COL6A6: variants seen among roughly 807,000 people sequenced by gnomAD.
COL6A6 encodes collagen type VI alpha 6 chain.
In COL6A6, 183 loss-of-function variants were observed where a neutral mutation model predicts 208.6. That is an observed-to-expected ratio of 0.88 (90% CI 0.78 to 0.99). The LOEUF (loss-of-function observed/expected upper bound fraction) is 0.99. COL6A6 is among the 50% of genes least tolerant of loss of function. The pLI is 0.00. For synonymous variants in COL6A6, 973 were observed against 1,011.8 expected, an observed-to-expected ratio of 0.96 and a Z score of 0.73; for missense variants, 2,816 against 2,815.2, an observed-to-expected ratio of 1.00 and a Z score of -0.01.
intron 10 of COL6A6, 38 bp from the exon 11 acceptor site, chr3:130,586,468 C>A: frequency 1.3e-6 from 2 of 1,562,912 alleles, no homozygotes; most frequent in Non-Finnish European, 1.7e-6. Flanking sequence ...AGTAACCAAA[C>A]CCACCTCACC....
chr3:130,568,536 T>C lies in COL6A6; in HGVS notation c.2333T>C (p.Val778Ala). 6.2e-7 allele frequency: 1 copy of C among 1,611,406 alleles called. No homozygotes were observed. Residue 778 changes from valine to alanine, a missense_variant, in exon 6 of 37, where the codon GTT becomes GCT. Physicochemically the swap from Val to Ala is moderately conservative, Grantham distance 64. Transcript: ENST00000358511. ...ISGRPEMVFY[V>A]ENFDILQRIE... ...GGGAGGCCCGAGATGGTTTTTTATG[T>C]TGAGAATTTTGACATTCTGCAGCGC...
chr3:130,541,795 A>G (rs7636972), intron 1 of COL6A6, among the ~76,000 whole-genome samples: 151,117 of 152,342 alleles, frequency 0.99, 74,963 homozygotes, highest in Middle Eastern at 1. Flanking sequence ...GTGAACATAC[A>G]TGGGTTGGAT....
At chr3:130,520,771 C>G (rs1213224392) in intron 1 of COL6A6, among the ~76,000 whole-genome samples, 1 of 152,176 alleles carries the variant, frequency 6.6e-6, no homozygotes, top group African/African-American at 2.4e-5. Flanking sequence ...ATCTTTGTGT[C>G]TCTACTTCTG....
intron 1 of COL6A6, among the ~76,000 whole-genome samples, chr3:130,549,250 G>A (rs967779580): frequency 6.6e-6 from 1 of 152,084 alleles, no homozygotes; most frequent in Admixed American, 6.5e-5. Flanking sequence ...GCTCACTGCA[G>A]CCTTGACCTC....
At chr3:130,647,261 G>A (rs1269182253) in intron 32 of COL6A6, among the ~76,000 whole-genome samples, 1 of 152,102 alleles carries the variant, frequency 6.6e-6, no homozygotes, top group Non-Finnish European at 1.5e-5. Flanking sequence ...TGTTTTGGAA[G>A]CTGAATTAGT....
intron 1 of COL6A6, among the ~76,000 whole-genome samples, chr3:130,534,748 C>T (rs1431513557): frequency 6.6e-6 from 1 of 152,058 alleles, no homozygotes; most frequent in Non-Finnish European, 1.5e-5. Context: ...TTTTCACAGC[C>T]AGCACCTACT....
chr3:130,539,030 G>T (rs2062291150), intron 1 of COL6A6, among the ~76,000 whole-genome samples: 1 of 152,168 alleles, frequency 6.6e-6, no homozygotes, highest in South Asian at 2.1e-4. Flanking sequence ...TGTCCACACA[G>T]CCATTCAGGT....
chr3:130,547,585 G>A (rs181859070), intron 1 of COL6A6, among the ~76,000 whole-genome samples: 1,636 of 152,362 alleles, frequency 0.011, 37 homozygotes, highest in African/African-American at 0.037. Flanking sequence ...GGCTGAGAAC[G>A]AGTGAGGGCC....
At chr3:130,562,038 G>A (rs2062901701) in intron 2 of COL6A6, among the ~76,000 whole-genome samples, 1 of 152,222 alleles carries the variant, frequency 6.6e-6, no homozygotes, top group South Asian at 2.1e-4. Flanking sequence ...TGAAGGTAAA[G>A]TCAGGGTGTT....
At chr3:130,598,296 T>C (rs1353305277) in intron 18 of COL6A6, 69 bp from the exon 19 acceptor site, 5 of 1,051,628 alleles carry the variant, frequency 4.8e-6, no homozygotes, top group Admixed American at 2.2e-5. Flanking sequence ...CTAAGTGTTA[T>C]ACATAAGTTA....
At chr3:130,668,624 A>G (rs1157256508) in intron 36 of COL6A6, among the ~76,000 whole-genome samples, 1 of 152,230 alleles carries the variant, frequency 6.6e-6, no homozygotes, top group Non-Finnish European at 1.5e-5. Flanking sequence ...TATATCAGAT[A>G]ATATATACTT....
intron 12 of COL6A6, chr3:130,589,925 G>C (rs922275062): frequency 1.4e-5 from 6 of 439,678 alleles, no homozygotes; most frequent in Non-Finnish European, 1.8e-5. Flanking sequence ...CTATGTCTCT[G>C]AATATGTCTC....
intron 1 of COL6A6, among the ~76,000 whole-genome samples, chr3:130,518,565 T>TG (rs773174005): frequency 7.2e-5 from 11 of 152,192 alleles, no homozygotes; most frequent in African/African-American, 9.6e-5. Context: ...TGGAGTGCAA[T>TG]GCGCCATCTC....
At chr3:130,629,042 A>G (rs1182978755) in intron 26 of COL6A6, among the ~76,000 whole-genome samples, 1 of 63,352 alleles carries the variant, frequency 1.6e-5, no homozygotes, top group Non-Finnish European at 2.5e-5. Context: ...ACAAAGCTGG[A>G]TGGAGAATGA....
intron 1 of COL6A6, among the ~76,000 whole-genome samples, chr3:130,525,634 A>G (rs56974143): frequency 0.017 from 2,551 of 151,646 alleles, 60 homozygotes; most frequent in African/African-American, 0.046. Flanking sequence ...TCTCGGGAAA[A>G]AGACAGAAGT....
chr3:130,593,403 A>C (rs563601228), intron 17 of COL6A6, among the ~76,000 whole-genome samples, 151 bp downstream of exon 17: 1 of 152,268 alleles, frequency 6.6e-6, no homozygotes, highest in East Asian at 1.9e-4. Flanking sequence ...TTTATTTCTT[A>C]TGTTTCTGAG....
rs1046586294 is a variant in COL6A6, at chr3:130,527,596, A to G, written c.-32+10199A>G. On this transcript the variant is annotated intron_variant, in intron 1 of 36. Transcript: ENST00000358511. ...TGCCTGAAATGTAACTTTCCCAAGCAATGATCACATCCTTGGCACTCTGCC... is the reference window on the plus strand; with the variant it reads ...TGCCTGAAATGTAACTTTCCCAAGCGATGATCACATCCTTGGCACTCTGCC... Among the ~76,000 whole-genome samples the G allele has an allele frequency of 2.6e-5, 4 of 152,374 alleles. 1 individual carries two copies. The South Asian group carries it at 6.2e-4, about 24-fold the overall frequency.
At chr3:130,599,607 A>G in intron 19 of COL6A6, 150 bp from the exon 20 acceptor site, 1 of 685,526 alleles carries the variant, frequency 1.5e-6, no homozygotes, top group Non-Finnish European at 2.5e-6. Flanking sequence ...ACTTATGATC[A>G]GTAGAGTTCA....
chr3:130,649,262 C>T lies in COL6A6; in HGVS notation c.5433C>T (p.His1811=), dbSNP rs753532421. 6.3e-6 allele frequency: 10 copies of T among 1,599,948 alleles called. No homozygotes were observed. The Admixed American group carries it at 1.6e-4, about 25-fold the overall frequency. ...AILSYNSHAR[H]LVRFSDAYKK... ...TCTCCTATAACTCCCACGCCAGGCA[C>T]CTTGTGCGCTTCTCAGACGCCTACA... is the stretch of plus-strand genomic sequence containing the variant. The change falls in exon 33 of 37, where the codon CAC becomes CAT. Residue 1811 remains histidine (H), a synonymous_variant. Transcript: ENST00000358511.
Sources: gnomAD v4.1 joint callset for allele counts (sites outside exome capture counted in the v4.1 genomes callset) on GRCh38, gnomAD v4.1.1 for gene constraint, MANE v1.5 for transcripts, NCBI Gene and HGNC (gene_info 2026-07-23, HGNC 2026-07-21) for gene names.